PTPRN2: variants seen among roughly 807,000 people sequenced by gnomAD.
The protein encoded by PTPRN2 is receptor-type tyrosine-protein phosphatase N2.
In PTPRN2, 74 loss-of-function variants were observed where a neutral mutation model predicts 118.8. The observed-to-expected ratio is 0.62, with a 90% CI of 0.52 to 0.76. The LOEUF (loss-of-function observed/expected upper bound fraction) is 0.76, where lower values mean the gene tolerates loss of function less well. PTPRN2 is among the 30% of genes least tolerant of loss of function. The pLI, the probability that PTPRN2 is intolerant of heterozygous loss-of-function variation, is 0.00. For missense variants in PTPRN2, 1,481 were observed against 1,394.4 expected (o/e 1.06, Z -0.99); for synonymous variants, 641 against 608.0 (o/e 1.05, Z -0.80).
chr7:157,924,196 T>G (rs1265097842), intron 11 of PTPRN2, among the ~76,000 whole-genome samples: 1 of 152,048 alleles, frequency 6.6e-6, no homozygotes, highest in Non-Finnish European at 1.5e-5. Flanking sequence ...CACAGGCAGG[T>G]AGAGGGGTGG....
intron 13 of PTPRN2, 127 bp downstream of exon 13, chr7:157,682,598 T>C: frequency 1.0e-6 from 1 of 1,002,300 alleles, no homozygotes; most frequent in Non-Finnish European, 1.5e-6. Flanking sequence ...ACTGTCCTCA[T>C]AAAAGACCCC....
In PTPRN2 at chr7:157,615,666, A is replaced by C. The variant is rs1217433947; in HGVS notation, c.2344+5696T>G. 2.2e-6 allele frequency: 1 copy of C among 460,608 alleles called. No individual in the cohort carries two copies. Among genetic ancestry groups the C allele is most frequent in the South Asian group, 1.6e-5 (1 of 64,308 alleles). 28.5% of individuals were successfully genotyped at this position (460,608 alleles called of 1,614,324 possible). On this transcript the variant is annotated intron_variant, in intron 15 of 22. Coordinates refer to ENST00000389418, the MANE Select transcript of PTPRN2 (RefSeq NM_002847.5). The surrounding 1 kb of genome is among the most constrained non-coding windows in gnomAD (Gnocchi z 4.3). ...TTTTTATCAATGACTTGACGACGTG[A>C]AAAACATGTTTATAAAACGAGCAGA... is the stretch of plus-strand genomic sequence containing the variant.
intron 3 of PTPRN2, among the ~76,000 whole-genome samples, chr7:158,206,570 G>C (rs1029486535): frequency 6.6e-6 from 1 of 152,074 alleles, no homozygotes; most frequent in Non-Finnish European, 1.5e-5. Flanking sequence ...TCGGGGAGGG[G>C]GGGAGAGAGA....
rs1279259671 is a variant in PTPRN2, at chr7:157,876,778, G to C, written c.1788+21895C>G. ...CCAGGGCGGAGAACTTTCTAAGAGG[G>C]AAGGTCGGGGCAGCTGCTGTGTGGG... On this transcript the variant is annotated intron_variant, in intron 12 of 22. Transcript: ENST00000389418. Among the ~76,000 whole-genome samples the C allele has an allele frequency of 3.3e-5, 5 of 152,326 alleles. No individual in the cohort carries two copies. The South Asian group carries it at 8.3e-4, about 25-fold the overall frequency.
chr7:158,258,896 G>A (rs560886203), intron 3 of PTPRN2, among the ~76,000 whole-genome samples: 1 of 152,316 alleles, frequency 6.6e-6, no homozygotes, highest in Admixed American at 6.5e-5. Flanking sequence ...TGCACTGCGT[G>A]GTCGTGCTGG....
intron 1 of PTPRN2, among the ~76,000 whole-genome samples, chr7:158,523,396 A>C (rs1824376336): frequency 7.5e-6 from 1 of 133,172 alleles, no homozygotes; most frequent in African/African-American, 2.9e-5. Flanking sequence ...CCTGGAGCGG[A>C]GTCATCTGCC....
intron 12 of PTPRN2, among the ~76,000 whole-genome samples, chr7:157,767,656 C>A (rs1349943923): frequency 1.3e-5 from 2 of 152,198 alleles, no homozygotes; most frequent in African/African-American, 2.4e-5. Context: ...TGGTCACAGG[C>A]GAACACTGTT....
intron 9 of PTPRN2, among the ~76,000 whole-genome samples, chr7:158,132,105 GAT>G (rs1244034145): frequency 1.4e-5 from 2 of 139,016 alleles, no homozygotes; most frequent in Admixed American, 7.4e-5. Context: ...CATATGCACA[GAT>G]ACACACACCT....
In PTPRN2 at chr7:158,546,910, G is replaced by A. The variant is rs1826323079; in HGVS notation, c.112+40648C>T. 6.6e-6 allele frequency among the ~76,000 whole-genome samples: 1 copy of A among 152,180 alleles called. No individual in the cohort carries two copies. Among genetic ancestry groups the A allele is most frequent in the Non-Finnish European group, 1.5e-5 (1 of 68,034 alleles). The stretch of plus-strand genomic sequence containing the variant: ...GCATGCTGGGCAGCCTGGGCACCTG[G>A]GGCAGGGCTGGGGGACAGCCCAGCC... On this transcript the variant is annotated intron_variant, in intron 1 of 22. Transcript: ENST00000389418. This position sits in a 1 kb window ranked among gnomAD's most constrained non-coding sequence, Gnocchi z 5.0.
chr7:157,752,799 T>C (rs1801559307), intron 12 of PTPRN2, among the ~76,000 whole-genome samples: 1 of 152,244 alleles, frequency 6.6e-6, no homozygotes, highest in Non-Finnish European at 1.5e-5. Context: ...AATCTGTGAT[T>C]AGAGATGGCC....
Position 157,974,434 on chromosome 7 carries a change from G to C in PTPRN2, c.1724-75697C>G, listed in dbSNP as rs117162179. Among the ~76,000 whole-genome samples the C allele has an allele frequency of 4.1e-3, 629 of 152,320 alleles. 14 individuals carry two copies. The South Asian group carries it at 0.052, about 13-fold the overall frequency. ...GGGAGCATGGGGCTGCCCTACTGTGGAGTTAGTGGGTCCACTTCGAGAAGA... is the reference window on the plus strand; with the variant it reads ...GGGAGCATGGGGCTGCCCTACTGTGCAGTTAGTGGGTCCACTTCGAGAAGA... On this transcript the variant is annotated intron_variant, in intron 11 of 22. Transcript: ENST00000389418. This position sits in a 1 kb window ranked among gnomAD's most constrained non-coding sequence, Gnocchi z 4.0.
intron 12 of PTPRN2, among the ~76,000 whole-genome samples, chr7:157,878,266 G>T (rs1795902945): frequency 6.6e-6 from 1 of 152,262 alleles, no homozygotes; most frequent in African/African-American, 2.4e-5. Context: ...CCTTAAAGGG[G>T]CTGGAAGGGT....
At chr7:158,212,035 T>C (rs1484350847) in intron 3 of PTPRN2, among the ~76,000 whole-genome samples, 1 of 152,160 alleles carries the variant, frequency 6.6e-6, no homozygotes, top group African/African-American at 2.4e-5. Context: ...TATTCAGCCA[T>C]AAAAAGGTGA....
At chr7:158,035,693 C>A (rs894906792) in intron 11 of PTPRN2, among the ~76,000 whole-genome samples, 1 of 152,210 alleles carries the variant, frequency 6.6e-6, no homozygotes, top group Non-Finnish European at 1.5e-5. Context: ...GAAGCCTGAA[C>A]CTGTATCCCA....
At chr7:158,151,514 T>TGCCTCTCCCTGCCCATA (rs1563522262) in intron 6 of PTPRN2, among the ~76,000 whole-genome samples, 2 of 146,076 alleles carry the variant, frequency 1.4e-5, no homozygotes, top group Non-Finnish European at 3.0e-5. Context: ...TTTCTGCTCC[T>TGCCTCTCCCTGCCCATA]CACCGCACGT....
At chr7:157,719,078 C>T (rs1284606500) in intron 12 of PTPRN2, among the ~76,000 whole-genome samples, 6 of 152,190 alleles carry the variant, frequency 3.9e-5, no homozygotes, top group Non-Finnish European at 8.8e-5. Flanking sequence ...AGTGCATGGC[C>T]CCTGTCCTCC....
chr7:158,162,257 TAA>T (rs1188253699), intron 6 of PTPRN2, among the ~76,000 whole-genome samples: 1 of 152,222 alleles, frequency 6.6e-6, no homozygotes, highest in Non-Finnish European at 1.5e-5. Context: ...CAGTAGAAGT[TAA>T]AGACTTATAT....
chr7:157,732,214 TTACTCTTTCCCGTCCCAC>T (rs1799987161), intron 12 of PTPRN2, among the ~76,000 whole-genome samples: 2 of 80,002 alleles, frequency 2.5e-5, no homozygotes, highest in African/African-American at 9.4e-5. Flanking sequence ...CCCAGCACAG[TTACTCTTTCCCGTCCCAC>T]GCGCCCAGCA....
At chr7:157,675,834 T>C (rs917059854) in intron 13 of PTPRN2, among the ~76,000 whole-genome samples, 2 of 152,080 alleles carry the variant, frequency 1.3e-5, no homozygotes, top group African/African-American at 2.4e-5. Context: ...GAAGGCGGCC[T>C]TCGGGAGGGA....
Sources: gnomAD v4.1 joint callset for allele counts (sites outside exome capture counted in the v4.1 genomes callset) on GRCh38, gnomAD v4.1.1 for gene constraint, Gnocchi (gnomAD v3.1) non-coding constraint, MANE v1.5 for transcripts, NCBI Gene and HGNC (gene_info 2026-07-23, HGNC 2026-07-21) for gene names.